Variants in FMNL2 observed in about 807,000 individuals in gnomAD.
FMNL2 encodes the protein formin-like protein 2.
Under a neutral mutation model 130.2 loss-of-function variants are expected in FMNL2, and 51 were observed. The observed-to-expected ratio is 0.39, with a 90% CI of 0.31 to 0.49. The LOEUF (loss-of-function observed/expected upper bound fraction) is 0.49. Ranked by LOEUF, FMNL2 falls within the 20% of genes least tolerant of loss-of-function variation. The pLI, the probability that FMNL2 is intolerant of heterozygous loss-of-function variation, is 0.85. For missense variants in FMNL2, 977 were observed against 1,316.2 expected, an observed-to-expected ratio of 0.74 and a Z score of 3.99; for synonymous variants, 465 against 467.1, an observed-to-expected ratio of 1.00 and a Z score of 0.06.
chr2:152,379,258 C>T (rs1684332381), intron 1 of FMNL2, among the ~76,000 whole-genome samples: 1 of 152,124 alleles, frequency 6.6e-6, no homozygotes, highest in South Asian at 2.1e-4. Flanking sequence ...GATGTGGAAG[C>T]TAGGGATGCA....
At chr2:152,480,736 G>A (rs1376952150) in intron 1 of FMNL2, among the ~76,000 whole-genome samples, 1 of 151,544 alleles carries the variant, frequency 6.6e-6, no homozygotes, top group South Asian at 2.1e-4. Context: ...CAAGGGCTAT[G>A]CAGTAACTTG....
At chr2:152,465,114 G>A (rs527428640) in intron 1 of FMNL2, among the ~76,000 whole-genome samples, 22 of 152,316 alleles carry the variant, frequency 1.4e-4, no homozygotes, top group African/African-American at 4.8e-4. Flanking sequence ...ATAGCCCTGC[G>A]CAAGTAGTGA....
chr2:152,617,465 A>G (rs928984124), intron 13 of FMNL2, among the ~76,000 whole-genome samples: 6 of 152,336 alleles, frequency 3.9e-5, no homozygotes, highest in Middle Eastern at 3.4e-3. Flanking sequence ...GGCTGAGTTA[A>G]TTCTGTGGAA....
intron 2 of FMNL2, among the ~76,000 whole-genome samples, chr2:152,532,210 A>T (rs1180243261): frequency 2.0e-5 from 3 of 152,222 alleles, no homozygotes; most frequent in Non-Finnish European, 1.5e-5. Flanking sequence ...TTAGGGCAAG[A>T]TAAACTTTTT....
chr2:152,546,426 A>G (rs1397449745), intron 3 of FMNL2, among the ~76,000 whole-genome samples: 1 of 152,006 alleles, frequency 6.6e-6, no homozygotes, highest in Non-Finnish European at 1.5e-5. Flanking sequence ...ATCTCACAGG[A>G]ACTCTTAGGA....
At chr2:152,595,422 G>T (rs946759034) in intron 9 of FMNL2, among the ~76,000 whole-genome samples, 1 of 152,142 alleles carries the variant, frequency 6.6e-6, no homozygotes, top group Non-Finnish European at 1.5e-5. Flanking sequence ...CCGAGTTCAG[G>T]CAGTTCTCAT....
At chr2:152,643,338 C>T (rs1215105100) in intron 25 of FMNL2, 15 of 1,524,320 alleles carry the variant, frequency 9.8e-6, no homozygotes, top group East Asian at 2.5e-5. Context: ...ATTAACAATG[C>T]ACTAACCATG....
chr2:152,613,859 G>A (rs1378620683), intron 11 of FMNL2, among the ~76,000 whole-genome samples: 1 of 152,162 alleles, frequency 6.6e-6, no homozygotes, highest in African/African-American at 2.4e-5. Flanking sequence ...TACTTGTAGG[G>A]AAGATTCACT....
intron 9 of FMNL2, among the ~76,000 whole-genome samples, chr2:152,596,264 T>C (rs1368855694): frequency 6.6e-6 from 1 of 151,934 alleles, no homozygotes; most frequent in Non-Finnish European, 1.5e-5. Context: ...AGCCCGGCTG[T>C]CTTTTTTTTC....
intron 1 of FMNL2, among the ~76,000 whole-genome samples, chr2:152,487,987 C>A (rs1488660026): frequency 3.9e-5 from 6 of 152,040 alleles, no homozygotes; most frequent in African/African-American, 1.4e-4. Flanking sequence ...GGGGTTTCAC[C>A]ATGGCTGGTG....
intron 2 of FMNL2, among the ~76,000 whole-genome samples, chr2:152,537,062 AGAG>A (rs34634078): frequency 0.32 from 49,130 of 151,920 alleles, 8,162 homozygotes; most frequent in East Asian, 0.53. Context: ...AAGTGGAGAA[AGAG>A]GAGGAGGACA....
intron 1 of FMNL2, among the ~76,000 whole-genome samples, chr2:152,448,204 TAAA>T (rs70974863): frequency 6.8e-6 from 1 of 146,046 alleles, no homozygotes; most frequent in African/African-American, 2.5e-5. Context: ...GCTGATTTCT[TAAA>T]AAAAAAAAAA....
chr2:152,621,127 G>C, intron 15 of FMNL2: 1 of 985,366 alleles, frequency 1.0e-6, no homozygotes, highest in Non-Finnish European at 1.2e-6. Context: ...TTATCGTCCC[G>C]TGCACCTGGC....
chr2:152,628,745 A>G (rs575586457), intron 18 of FMNL2, among the ~76,000 whole-genome samples: 39 of 152,308 alleles, frequency 2.6e-4, no homozygotes, highest in Admixed American at 7.2e-4. Flanking sequence ...CCATATTGCC[A>G]TTCTTCCGAA....
intron 1 of FMNL2, among the ~76,000 whole-genome samples, chr2:152,509,682 A>T (rs1176498329): frequency 1.4e-5 from 2 of 138,434 alleles, no homozygotes; most frequent in East Asian, 4.9e-4. Context: ...ATGGTAGGAG[A>T]GGCAGGTCAG....
Position 152,619,520 on chromosome 2 carries a change from C to G in FMNL2, c.1639C>G (p.Pro547Ala), listed in dbSNP as rs959524675. 2 of 1,549,308 alleles carry G rather than the reference C, an allele frequency of 1.3e-6. No individual in the cohort carries two copies. The highest frequency in any genetic ancestry group is 1.7e-6 in the Non-Finnish European group (2 of 1,146,822). ...SDTPETVQNG[P>A]VTPPMPPPPP... ...TTTTTCTTTGCTAGTGCAAAATGGT[C>G]CAGTAACACCACCTATGCCACCGCC... Residue 547 changes from proline to alanine, a missense_variant, in exon 15 of 26, where the codon CCA (proline) becomes GCA (alanine). This residue lies in a region of FMNL2 where 689 missense variants were observed against 995.9 expected (regional missense o/e 0.69). Coordinates refer to ENST00000288670, the MANE Select transcript of FMNL2 (RefSeq NM_052905.4).
chr2:152,628,375 G>C lies in FMNL2; in HGVS notation c.2242G>C (p.Val748Leu). 6.2e-7 allele frequency: 1 copy of C among 1,614,050 alleles called. No homozygotes were observed. Among genetic ancestry groups the C allele is most frequent in the Middle Eastern group, 1.6e-4 (1 of 6,062 alleles). Residue 748 changes from valine (V) to leucine (L), a missense_variant, in exon 18 of 26, where the codon GTG (valine) becomes CTG (leucine). Val to Leu is a conservative substitution (Grantham distance 32). Transcript: ENST00000288670. Reference sequence around the variant, plus strand: ...CCTACCAACTGAGAATGAAGTGAAAGTGCTTCGGCTCTACGAGCGGGAAAG... The same window carrying C: ...CCTACCAACTGAGAATGAAGTGAAACTGCTTCGGCTCTACGAGCGGGAAAG... ...RFLPTENEVK[V>L]LRLYERERKP...
chr2:152,534,978 G>A (rs907058007), intron 2 of FMNL2, among the ~76,000 whole-genome samples: 8 of 152,162 alleles, frequency 5.3e-5, no homozygotes, highest in African/African-American at 1.9e-4. Context: ...AACTATGGCT[G>A]TGGAATGAAT....
At chr2:152,376,601 C>T (rs1684192111) in intron 1 of FMNL2, among the ~76,000 whole-genome samples, 1 of 152,198 alleles carries the variant, frequency 6.6e-6, no homozygotes, top group Admixed American at 6.5e-5. Flanking sequence ...AACTTGCCAG[C>T]TGCCTTACCT....
Sources: gnomAD v4.1 joint callset for allele counts (sites outside exome capture counted in the v4.1 genomes callset) on GRCh38, gnomAD v4.1.1 for gene constraint, gnomAD v4.1.1 regional missense constraint, MANE v1.5 for transcripts, NCBI Gene and HGNC (gene_info 2026-07-23, HGNC 2026-07-21) for gene names.